The following DPF1 variants were observed in gnomAD, a reference collection of about 807,000 sequenced individuals.
DPF1 encodes the protein double PHD fingers 1.
Under a neutral mutation model 58.7 loss-of-function variants are expected in DPF1, and 14 were observed. The ratio of observed to expected loss-of-function variants is 0.24; its 90% CI spans 0.16 to 0.37. The LOEUF is 0.37. DPF1 is among the 10% of genes least tolerant of loss of function. The pLI is 1.00. For missense variants in DPF1, 345 were observed against 529.9 expected, an observed-to-expected ratio of 0.65 and a Z score of 3.43; for synonymous variants, 216 against 216.0, an observed-to-expected ratio of 1.00 and a Z score of 0.00.
chr19:38,226,502 C>CCACACACACACACACA (rs758283337), upstream of DPF1, among the ~76,000 whole-genome samples: 431 of 112,376 alleles, frequency 3.8e-3, 4 homozygotes, highest in African/African-American at 0.012. Flanking sequence ...ACGGTCACTT[C>CCACACACACACACACA]TACACACACA....
At position 38,222,195 on chromosome 19, in the gene DPF1, G is replaced by T. The variant is rs1316489502; in HGVS notation, c.298+162C>A. Among the ~76,000 whole-genome samples, 1 of 152,148 alleles carries T rather than the reference G, an allele frequency of 6.6e-6. No homozygotes were observed. Among genetic ancestry groups the T allele is most frequent in the Non-Finnish European group, 1.5e-5 (1 of 68,022 alleles). On this transcript the variant is annotated intron_variant, in intron 3 of 11. Coordinates refer to ENST00000355526, the MANE Select transcript of DPF1 (RefSeq NM_001135155.3). This position sits in a 1 kb window ranked among gnomAD's most constrained non-coding sequence, Gnocchi z 4.9. ...TGCAGTCGCCACTCAGTGACTCAGA[G>T]AAACTGTGGAATCTCTGGGAAACAC...
chr19:38,217,358 T>G, intron 7 of DPF1, 102 bp downstream of exon 7: 4 of 1,421,044 alleles, frequency 2.8e-6, no homozygotes, highest in East Asian at 2.6e-5. Context: ...GAGCTGGAGA[T>G]TTTCCAGAAA....
chr19:38,212,225 CAGG>C (rs1227121531), intron 11 of DPF1, 52 bp downstream of exon 11: 1 of 1,464,446 alleles, frequency 6.8e-7, no homozygotes, highest in African/African-American at 1.4e-5. Context: ...CTTCCACAAC[CAGG>C]AGATGGCGTT....
chr19:38,214,324 CAG>C (rs1217232137), intron 9 of DPF1, among the ~76,000 whole-genome samples: 4 of 152,240 alleles, frequency 2.6e-5, no homozygotes, highest in Non-Finnish European at 5.9e-5. Context: ...AGCCCCGCTG[CAG>C]AGACACCCGC....
chr19:38,229,667 C>G lies in DPF1; in HGVS notation c.-240G>C, dbSNP rs1191855873. ...CGGGCCCAGCCCGGCCTGCGCCGCCCGCTCTGCCGCCCAGCGCGCTACGAT... is the reference window on the plus strand; with the variant it reads ...CGGGCCCAGCCCGGCCTGCGCCGCCGGCTCTGCCGCCCAGCGCGCTACGAT... On this transcript the variant is annotated 5_prime_UTR_variant, in exon 1 of 12. Coordinates refer to the DPF1 transcript ENST00000412732. This position sits in a 1 kb window ranked among gnomAD's most constrained non-coding sequence, Gnocchi z 5.3. The G allele has an allele frequency of 1.3e-5, 8 of 638,246 alleles. No individual in the cohort carries two copies. The highest frequency in any genetic ancestry group is 1.6e-5 in the Non-Finnish European group (8 of 512,866). The allele number at this position is 638,246 out of a possible 1,614,324, so 39.5% of individuals were successfully genotyped here.
intron 9 of DPF1, chr19:38,214,010 C>T (rs1973663143): frequency 5.8e-6 from 3 of 513,998 alleles, no homozygotes; most frequent in Non-Finnish European, 1.1e-5. Flanking sequence ...AACCGCATTC[C>T]ATTACCCACA....
At chr19:38,225,038 G>T (rs1427757685), upstream of DPF1, among the ~76,000 whole-genome samples, 2 of 152,196 alleles carry the variant, frequency 1.3e-5, no homozygotes, top group African/African-American at 4.8e-5. Flanking sequence ...ATCACCTGAG[G>T]ATGGGAGTTC....
Position 38,224,184 on chromosome 19 carries a change from C to G in DPF1, c.-42G>C. On this transcript the variant is annotated 5_prime_UTR_variant, in exon 1 of 12. Transcript: ENST00000355526. The surrounding 1 kb of genome is among the most constrained non-coding windows in gnomAD (Gnocchi z 4.5). ...TGCCCCCAGCAGGTCCCCGCCGGGT[C>G]GGTCCTCCCAGCGGTCGGGCGGGCG... 3.5e-6 allele frequency: 5 copies of G among 1,423,912 alleles called. No homozygotes were observed. Among genetic ancestry groups the G allele is most frequent in the East Asian group, 2.8e-5 (1 of 35,608 alleles). The allele number at this position is 1,423,912 out of a possible 1,614,324, so 88.2% of individuals were successfully genotyped here.
chr19:38,217,959 T>C, intron 5 of DPF1, 83 bp from the exon 6 acceptor site: 1 of 1,432,640 alleles, frequency 7.0e-7, no homozygotes, highest in Non-Finnish European at 9.8e-7. Context: ...ATCCCAGCAC[T>C]TTGGGAGGCC....
In DPF1 at chr19:38,222,496, CG is replaced by C; in HGVS notation, c.191-33del. ...AGAGAGGGGGGTGAGAGGGCGGCGG[CG>C]GTGGGGCGGCCTGGCCCCGCCCCGC... On this transcript the variant is annotated intron_variant, in intron 2 of 11. Coordinates refer to ENST00000355526, the MANE Select transcript of DPF1 (RefSeq NM_001135155.3). The surrounding 1 kb of genome is among the most constrained non-coding windows in gnomAD (Gnocchi z 4.9). The C allele has an allele frequency of 6.3e-7, 1 of 1,581,052 alleles. No individual in the cohort carries two copies. Among genetic ancestry groups the C allele is most frequent in the Non-Finnish European group, 8.6e-7 (1 of 1,169,118 alleles).
rs1179227967 is a variant in DPF1 at position 38,211,272 on chromosome 19, C to A, written c.*791G>T. ...GGGGGGCGGGGGCCGCCAGGCCTGG[C>A]GGGGCGGGAGGAGGGAGAGAAAAGG... On this transcript the variant is annotated 3_prime_UTR_variant, in exon 12 of 12. Coordinates refer to ENST00000355526, the MANE Select transcript of DPF1 (RefSeq NM_001135155.3). This position sits in a 1 kb window ranked among gnomAD's most constrained non-coding sequence, Gnocchi z 4.0. The A allele has an allele frequency of 6.6e-6, 1 of 151,518 alleles. No homozygotes were observed. Among genetic ancestry groups the A allele is most frequent in the Non-Finnish European group, 1.5e-5 (1 of 67,890 alleles). The allele number at this position is 151,518 out of a possible 1,614,324, so 9.4% of individuals were successfully genotyped here. A position where few individuals can be genotyped will look rare whatever the true frequency, so the allele number is the denominator to read the frequency against.
chr19:38,216,512 G>C, intron 7 of DPF1, 109 bp from the exon 8 acceptor site: 1 of 1,313,034 alleles, frequency 7.6e-7, no homozygotes, highest in Admixed American at 3.0e-5. Flanking sequence ...GGGGAGCTGG[G>C]AAGAGTGAGT....
chr19:38,224,360 AG>A, upstream of DPF1: 1 of 1,159,790 alleles, frequency 8.6e-7, no homozygotes, highest in Non-Finnish European at 1.1e-6. This position sits in a 1 kb window ranked among gnomAD's most constrained non-coding sequence, Gnocchi z 4.5. Context: ...GACGGCGCGG[AG>A]GAGGGGCCCG....
upstream of DPF1, among the ~76,000 whole-genome samples, chr19:38,226,538 A>ACACACACACACACACACACACC: frequency 1.4e-5 from 2 of 144,848 alleles, no homozygotes; most frequent in African/African-American, 5.1e-5. Context: ...ACACACACAC[A>ACACACACACACACACACACACC]CTCCTCTAGT....
intron 6 of DPF1, 68 bp from the exon 7 acceptor site, chr19:38,217,659 C>T: frequency 6.5e-7 from 1 of 1,532,424 alleles, no homozygotes; most frequent in South Asian, 1.2e-5. Flanking sequence ...ACCCTGGCCT[C>T]CAGGATCACA....
upstream of DPF1, among the ~76,000 whole-genome samples, chr19:38,224,422 C>A (rs1156445499): frequency 6.6e-6 from 1 of 152,172 alleles, no homozygotes; most frequent in Non-Finnish European, 1.5e-5. The surrounding 1 kb of genome is among the most constrained non-coding windows in gnomAD (Gnocchi z 4.5). Context: ...ATCCTGCTCT[C>A]GCGTGCACAC....
In DPF1 at chr19:38,224,173, C is replaced by A. The variant is rs776290008; in HGVS notation, c.-31G>T. ...TCCCCGGGTCCTGCCCCCAGCAGGTCCCCGCCGGGTCGGTCCTCCCAGCGG... is the reference window on the plus strand; with the variant it reads ...TCCCCGGGTCCTGCCCCCAGCAGGTACCCGCCGGGTCGGTCCTCCCAGCGG... On this transcript the variant is annotated 5_prime_UTR_variant, in exon 1 of 12. Coordinates refer to ENST00000355526, the MANE Select transcript of DPF1 (RefSeq NM_001135155.3). This position sits in a 1 kb window ranked among gnomAD's most constrained non-coding sequence, Gnocchi z 4.5. 7.0e-7 allele frequency: 1 copy of A among 1,438,040 alleles called. No homozygotes were observed. The highest frequency in any genetic ancestry group is 3.0e-5 in the Admixed American group (1 of 33,876). 89.1% of individuals were successfully genotyped at this position (1,438,040 alleles called of 1,614,324 possible). A position where few individuals can be genotyped will look rare whatever the true frequency, so the allele number is the denominator to read the frequency against.
rs763026633 is a variant in DPF1, at chr19:38,222,407, C to A, written c.248G>T (p.Arg83Ile). ...TCTGGGGTCCTCCAGGATGTTGAGT[C>A]TCCGTTTCTTCCTCCAACAGCGGGC... ...YPARCWRKKRRLNILEDPRLR... is the reference protein window; with the variant it reads ...YPARCWRKKRILNILEDPRLR... Residue 83 changes from arginine to isoleucine, a missense_variant, in exon 3 of 12, where the codon AGA becomes ATA. Coordinates refer to ENST00000355526, the MANE Select transcript of DPF1 (RefSeq NM_001135155.3). The surrounding 1 kb of genome is among the most constrained non-coding windows in gnomAD (Gnocchi z 4.9). 6.3e-7 allele frequency: 1 copy of A among 1,588,738 alleles called. No homozygotes were observed. The highest frequency in any genetic ancestry group is 1.9e-5 in the Admixed American group (1 of 51,880).
chr19:38,218,832 A>G (rs1017756193), intron 4 of DPF1, 99 bp downstream of exon 4: 2 of 1,573,488 alleles, frequency 1.3e-6, no homozygotes, highest in Non-Finnish European at 1.7e-6. Context: ...GCCAGAAGAA[A>G]CCGGGGGGGT....
Sources: allele counts gnomAD v4.1 joint callset (sites outside exome capture counted in the v4.1 genomes callset), GRCh38; gene constraint gnomAD v4.1.1; non-coding constraint Gnocchi (gnomAD v3.1); transcripts MANE v1.5; gene names NCBI Gene and HGNC (gene_info 2026-07-23, HGNC 2026-07-21).